The following KIF13B variants were observed in gnomAD, a reference collection of about 807,000 sequenced individuals.
The protein encoded by KIF13B is kinesin-like protein KIF13B.
A neutral mutation model predicts 222.0 loss-of-function variants in KIF13B; 127 were observed. The observed-to-expected ratio is 0.57, with a 90% CI of 0.50 to 0.66. The LOEUF (loss-of-function observed/expected upper bound fraction) is 0.66. Ranked by LOEUF, KIF13B falls within the 30% of genes least tolerant of loss-of-function variation. KIF13B has a pLI of 0.00. For synonymous variants in KIF13B, 976 were observed against 919.0 expected, an observed-to-expected ratio of 1.06 and a Z score of -1.12; for missense variants, 2,173 against 2,379.0, an observed-to-expected ratio of 0.91 and a Z score of 1.80.
At chr8:29,246,378 G>A (rs964314222) in intron 1 of KIF13B, among the ~76,000 whole-genome samples, 3 of 151,472 alleles carry the variant, frequency 2.0e-5, no homozygotes, top group East Asian at 1.9e-4. Flanking sequence ...ACTCTGTCTC[G>A]GGGGAAAAGA....
intron 2 of KIF13B, among the ~76,000 whole-genome samples, chr8:29,238,884 G>C (rs1815632277): frequency 6.6e-6 from 1 of 152,146 alleles, no homozygotes; most frequent in Middle Eastern, 3.4e-3. Flanking sequence ...AAAAAAGAAT[G>C]AAAATTAGCC....
chr8:29,242,901 T>C (rs760060390), intron 2 of KIF13B, among the ~76,000 whole-genome samples: 12 of 152,208 alleles, frequency 7.9e-5, no homozygotes, highest in Non-Finnish European at 1.8e-4. Context: ...CCTTAAGAGA[T>C]GGCATGTTAG....
intron 21 of KIF13B, among the ~76,000 whole-genome samples, chr8:29,139,851 A>C (rs1215148781): frequency 6.6e-6 from 1 of 152,130 alleles, no homozygotes; most frequent in Non-Finnish European, 1.5e-5. Flanking sequence ...GAAATGGAGG[A>C]GGCGATTTTG....
rs574297910 is a variant in KIF13B, at chr8:29,210,885, C to T, written c.150-14686G>A. Among the ~76,000 whole-genome samples, 11 of 152,348 alleles carry T rather than the reference C, an allele frequency of 7.2e-5. No individual in the cohort carries two copies. In the South Asian group the frequency reaches 1.4e-3, roughly 20 times the overall value. On this transcript the variant is annotated intron_variant, in intron 2 of 39. Transcript: ENST00000524189. ...CCTTCAGCAACTGACATGCTAAACACTGCTGCAGGAAAAGAGGTACCTGGT... is the reference window on the plus strand; with the variant it reads ...CCTTCAGCAACTGACATGCTAAACATTGCTGCAGGAAAAGAGGTACCTGGT...
At chr8:29,198,444 C>T (rs998807794) in intron 2 of KIF13B, among the ~76,000 whole-genome samples, 10 of 152,232 alleles carry the variant, frequency 6.6e-5, no homozygotes, top group Admixed American at 4.6e-4. Context: ...GGCTCAACCT[C>T]CTGAGTAGCT....
At chr8:29,256,217 C>T (rs770905371) in intron 1 of KIF13B, among the ~76,000 whole-genome samples, 11 of 152,190 alleles carry the variant, frequency 7.2e-5, no homozygotes, top group Non-Finnish European at 1.3e-4. Context: ...ACACCTCCAC[C>T]CTAAAACCTG....
chr8:29,099,281 C>A, intron 35 of KIF13B, 40 bp from the exon 36 acceptor site: 3 of 1,384,468 alleles, frequency 2.2e-6, no homozygotes, highest in Non-Finnish European at 3.0e-6. Flanking sequence ...TCAAGTTATT[C>A]AATTAACCAA....
At chr8:29,248,202 C>G (rs74336244) in intron 1 of KIF13B, among the ~76,000 whole-genome samples, 1,595 of 152,210 alleles carry the variant, frequency 0.01, 33 homozygotes, top group African/African-American at 0.037. Flanking sequence ...AGATACATAC[C>G]CATGAGAACA....
In KIF13B at chr8:29,134,022, T is replaced by G. The variant is rs1302093575; in HGVS notation, c.2784+18A>C. ...ATGAGTAATCTAAATGCTGACCTAC[T>G]CTGGAAAACAAACTCACATTGCAAT... On this transcript the variant is annotated intron_variant, in intron 22 of 39. Transcript: ENST00000524189. 2 of 1,607,578 alleles carry G rather than the reference T, an allele frequency of 1.2e-6. No individual in the cohort carries two copies. The highest frequency in any genetic ancestry group is 1.7e-6 in the Non-Finnish European group (2 of 1,176,544).
chr8:29,115,772 C>A (rs1809565494), intron 31 of KIF13B, among the ~76,000 whole-genome samples: 1 of 152,140 alleles, frequency 6.6e-6, no homozygotes, highest in South Asian at 2.1e-4. Context: ...CCGATCCTGC[C>A]CCGTCCTGCC....
At chr8:29,117,671 C>T (rs879558674) in intron 30 of KIF13B, among the ~76,000 whole-genome samples, 2 of 152,118 alleles carry the variant, frequency 1.3e-5, no homozygotes, top group African/African-American at 4.8e-5. Context: ...ACTCAAGTTT[C>T]GCTTCTTAGG....
At position 29,071,792 on chromosome 8, in the gene KIF13B, G is replaced by A; in HGVS notation, c.5046C>T (p.Ala1682=). ...AATCAGAGGCCAGGGCCTGTCCCCC[G>A]GCGCCCGGGGCCGGCGCATTCCCCT... The part of the protein sequence containing the change: ...GAEGNAPAPG[A]GGQALASDSE... Residue 1682 remains alanine (A), a synonymous_variant, in exon 39 of 40, where the codon GCC becomes GCT. Coordinates refer to ENST00000524189, the MANE Select transcript of KIF13B (RefSeq NM_015254.4). This position sits in a 1 kb window ranked among gnomAD's most constrained non-coding sequence, Gnocchi z 4.9. 1 of 1,546,970 alleles carries A rather than the reference G, an allele frequency of 6.5e-7. No homozygotes were observed. The highest frequency in any genetic ancestry group is 1.4e-5 in the African/African-American group (1 of 73,102).
chr8:29,136,949 A>G (rs1433051934), intron 21 of KIF13B, among the ~76,000 whole-genome samples: 2 of 151,580 alleles, frequency 1.3e-5, no homozygotes, highest in African/African-American at 2.4e-5. Context: ...AAAGGTGCCC[A>G]CCACCACGCC....
intron 6 of KIF13B, among the ~76,000 whole-genome samples, chr8:29,182,680 T>G (rs1812761381): frequency 6.6e-6 from 1 of 151,584 alleles, no homozygotes. Context: ...AGAGCACAGA[T>G]AGCATACTTA....
intron 26 of KIF13B, among the ~76,000 whole-genome samples, chr8:29,124,563 C>CA (rs1296651685): frequency 1.3e-5 from 2 of 151,760 alleles, no homozygotes; most frequent in African/African-American, 2.4e-5. Context: ...GCCTGGCTAA[C>CA]ACAGCGAAAC....
At chr8:29,122,259 A>G (rs941215083) in intron 29 of KIF13B, among the ~76,000 whole-genome samples, 1 of 152,162 alleles carries the variant, frequency 6.6e-6, no homozygotes, top group Admixed American at 6.5e-5. Flanking sequence ...GTCTCAAAAA[A>G]TAAATAAATA....
chr8:29,113,592 C>T (rs1809456950), intron 31 of KIF13B, 37 bp from the exon 32 acceptor site: 1 of 1,250,442 alleles, frequency 8.0e-7, no homozygotes, highest in Non-Finnish European at 1.1e-6. Context: ...GGTTTCCCAC[C>T]TGAAAAACTG....
At chr8:29,090,120 C>A (rs1808227386) in intron 37 of KIF13B, among the ~76,000 whole-genome samples, 1 of 152,138 alleles carries the variant, frequency 6.6e-6, no homozygotes, top group African/African-American at 2.4e-5. Flanking sequence ...GCTAAAAAGG[C>A]AGCTTATCTG....
rs911007840 is a variant in KIF13B at position 29,067,659 on chromosome 8, G to A, written c.*2845C>T. 2.0e-5 allele frequency: 3 copies of A among 152,242 alleles called. No homozygotes were observed. Among genetic ancestry groups the A allele is most frequent in the Non-Finnish European group, 4.4e-5 (3 of 68,064 alleles). The allele number at this position is 152,242 out of a possible 1,614,324, so 9.4% of individuals were successfully genotyped here. ...GGGCAGGAAGCACAGGGTGACTCCC[G>A]TCTTGTGTGCGTGCGCACAGCCACC... On this transcript the variant is annotated 3_prime_UTR_variant, in exon 40 of 40. Coordinates refer to ENST00000524189, the MANE Select transcript of KIF13B (RefSeq NM_015254.4).
Sources: gnomAD v4.1 joint callset for allele counts (sites outside exome capture counted in the v4.1 genomes callset) on GRCh38, gnomAD v4.1.1 for gene constraint, Gnocchi (gnomAD v3.1) non-coding constraint, MANE v1.5 for transcripts, NCBI Gene and HGNC (gene_info 2026-07-23, HGNC 2026-07-21) for gene names.